The following C12orf42 variants were observed in gnomAD, a reference collection of about 807,000 sequenced individuals.
The protein encoded by C12orf42 is chromosome 12 open reading frame 42.
C12orf42 carries 25 observed loss-of-function variants against 21.6 expected under a neutral mutation model. The observed-to-expected ratio is 1.16, with a 90% CI of 0.84 to 1.62. The LOEUF (loss-of-function observed/expected upper bound fraction) is 1.62, where lower values mean the gene tolerates loss of function less well. Ranked by LOEUF, C12orf42 falls within the 40% of genes most tolerant of loss-of-function variation. The pLI, the probability that C12orf42 is intolerant of heterozygous loss-of-function variation, is 0.00. For missense variants in C12orf42, 483 were observed against 459.3 expected (o/e 1.05, Z -0.47); for synonymous variants, 174 against 175.0 (o/e 0.99, Z 0.05).
the C12orf42 span, among the ~76,000 whole-genome samples, chr12:103,068,515 A>T: frequency 6.6e-6 from 1 of 151,976 alleles, no homozygotes; most frequent in South Asian, 2.1e-4. Context: ...ACCTGATTGG[A>T]TTGAAGGATG....
At chr12:103,516,793 A>G in the C12orf42 span, among the ~76,000 whole-genome samples, 1 of 152,218 alleles carries the variant, frequency 6.6e-6, no homozygotes, top group African/African-American at 2.4e-5. Flanking sequence ...GAAGAAAAAC[A>G]GGACTTTATA....
the C12orf42 span, among the ~76,000 whole-genome samples, chr12:103,073,144 T>C: frequency 6.6e-6 from 1 of 151,818 alleles, no homozygotes; most frequent in African/African-American, 2.4e-5. Flanking sequence ...CACGGACATA[T>C]AGAGGGGAAC....
chr12:103,358,611 C>CA (rs374012651), intron 4 of C12orf42, among the ~76,000 whole-genome samples: 4,900 of 136,576 alleles, frequency 0.036, 218 homozygotes, highest in African/African-American at 0.12. Context: ...TGTTTCAAAC[C>CA]AAAAAAAAAA....
chr12:103,393,842 G>A (rs1452507174), intron 3 of C12orf42, among the ~76,000 whole-genome samples: 1 of 152,166 alleles, frequency 6.6e-6, no homozygotes. Flanking sequence ...CTCTGTGCCT[G>A]TGATTTCACC....
chr12:103,275,898 T>C (rs57570038), intron 5 of C12orf42, among the ~76,000 whole-genome samples: 11,145 of 151,978 alleles, frequency 0.073, 1,096 homozygotes, highest in African/African-American at 0.23. Flanking sequence ...TAGGGAGACA[T>C]TGTCTCTACT....
At chr12:103,462,541 G>A (rs903967196) in intron 2 of C12orf42, among the ~76,000 whole-genome samples, 1 of 152,126 alleles carries the variant, frequency 6.6e-6, no homozygotes, top group African/African-American at 2.4e-5. Flanking sequence ...CAGCCCAAAT[G>A]AGAATGTCCC....
intron 4 of C12orf42, among the ~76,000 whole-genome samples, chr12:103,280,197 T>C (rs927321346): frequency 2.0e-5 from 3 of 152,228 alleles, no homozygotes; most frequent in African/African-American, 7.2e-5. Context: ...CCAGAGGCTT[T>C]ACAGATTAGG....
At chr12:103,113,701 G>A in the C12orf42 span, among the ~76,000 whole-genome samples, 1 of 152,184 alleles carries the variant, frequency 6.6e-6, no homozygotes, top group East Asian at 1.9e-4. Flanking sequence ...TGCTGAATTT[G>A]AGAGAGTTTG....
chr12:103,325,147 A>G (rs1294636936), intron 4 of C12orf42, among the ~76,000 whole-genome samples: 1 of 152,198 alleles, frequency 6.6e-6, no homozygotes, highest in African/African-American at 2.4e-5. Flanking sequence ...AATTAAATTT[A>G]GGCCTCTGGG....
At chr12:103,066,079 G>A in the C12orf42 span, among the ~76,000 whole-genome samples, 9 of 152,298 alleles carry the variant, frequency 5.9e-5, no homozygotes, top group East Asian at 1.7e-3. Context: ...AGGCCTCTAG[G>A]ATTTTGGAGC....
intron 2 of C12orf42, chr12:103,478,117 C>G (rs1429459559): frequency 2.4e-6 from 1 of 412,540 alleles, no homozygotes; most frequent in Non-Finnish European, 4.3e-6. Context: ...TCTAAGTTTT[C>G]CTAGCATAAA....
chr12:103,425,660 T>A (rs1022775988), intron 2 of C12orf42, among the ~76,000 whole-genome samples: 3 of 152,024 alleles, frequency 2.0e-5, no homozygotes, highest in African/African-American at 7.2e-5. Context: ...AAAAAGGATG[T>A]CCACACCAAA....
chr12:103,526,337 C>T, the C12orf42 span, among the ~76,000 whole-genome samples: 5 of 152,168 alleles, frequency 3.3e-5, no homozygotes, highest in African/African-American at 7.2e-5. Context: ...AATCAATATG[C>T]ACTATGGAAA....
At chr12:103,087,345 A>G in the C12orf42 span, among the ~76,000 whole-genome samples, 1 of 152,244 alleles carries the variant, frequency 6.6e-6, no homozygotes, top group Non-Finnish European at 1.5e-5. Context: ...TAAAAACACC[A>G]GCTACTCTGA....
chr12:103,154,723 AG>A, the C12orf42 span, among the ~76,000 whole-genome samples: 1 of 152,280 alleles, frequency 6.6e-6, no homozygotes, highest in Non-Finnish European at 1.5e-5. Context: ...TAGTTTTATG[AG>A]GGGAAAAAAG....
chr12:103,103,774 C>A, the C12orf42 span, among the ~76,000 whole-genome samples: 1 of 151,038 alleles, frequency 6.6e-6, no homozygotes, highest in Non-Finnish European at 1.5e-5. Context: ...TTAAATTAAT[C>A]GATAGTAATC....
intron 3 of C12orf42, among the ~76,000 whole-genome samples, chr12:103,387,902 CTCTT>C (rs1475252805): frequency 5.9e-5 from 9 of 152,222 alleles, no homozygotes; most frequent in African/African-American, 2.2e-4. Flanking sequence ...CCTTTCCTCT[CTCTT>C]TTTTTCTTTT....
intron 2 of C12orf42, among the ~76,000 whole-genome samples, chr12:103,472,576 T>A (rs2888731): frequency 2.0e-5 from 3 of 152,160 alleles, no homozygotes; most frequent in East Asian, 1.9e-4. Flanking sequence ...CTAGATTTTC[T>A]GACCATCAGC....
At chr12:103,385,089 T>C (rs1044495255) in intron 3 of C12orf42, among the ~76,000 whole-genome samples, 1 of 152,168 alleles carries the variant, frequency 6.6e-6, no homozygotes, top group Admixed American at 6.5e-5. Flanking sequence ...CTGCATACAG[T>C]TTGTCCCAAA....
Sources: gnomAD v4.1 joint callset for allele counts (sites outside exome capture counted in the v4.1 genomes callset) on GRCh38, gnomAD v4.1.1 for gene constraint, MANE v1.5 for transcripts, NCBI Gene and HGNC (gene_info 2026-07-23, HGNC 2026-07-21) for gene names.